The following TSC22D2 variants were observed in gnomAD, a reference collection of about 807,000 sequenced individuals.
TSC22D2 encodes the protein TSC22 domain family protein 2.
Under a neutral mutation model 50.1 loss-of-function variants are expected in TSC22D2, and 5 were observed. The observed-to-expected ratio is 0.10, with a 90% confidence interval of 0.05 to 0.21. The LOEUF is 0.21. TSC22D2 is among the 10% of genes least tolerant of loss of function. The pLI, the probability that TSC22D2 is intolerant of heterozygous loss-of-function variation, is 1.00. For synonymous variants in TSC22D2, 501 were observed against 450.1 expected (o/e 1.11, Z -1.43); for missense variants, 1,003 against 1,015.5 (o/e 0.99, Z 0.17).
chr3:150,461,714 T>C lies in TSC22D2; in HGVS notation c.*3078T>C, dbSNP rs1018236233. 1 of 152,142 alleles carries C rather than the reference T, an allele frequency of 6.6e-6. No homozygotes were observed. The highest frequency in any genetic ancestry group is 2.4e-5 in the African/African-American group (1 of 41,418). 9.4% of individuals were successfully genotyped at this position (152,142 alleles called of 1,614,324 possible). ...TCTATTTATAATATCCTATGCTAAT[T>C]AGAAGTATTGAGATAACGTTTTATA... On this transcript the variant is annotated 3_prime_UTR_variant, in exon 3 of 3. Transcript: ENST00000688009.
chr3:150,427,506 A>G (rs145496574), intron 1 of TSC22D2, among the ~76,000 whole-genome samples: 2,623 of 152,232 alleles, frequency 0.017, 26 homozygotes, highest in South Asian at 0.061. Context: ...GAATCACTCA[A>G]GTAGCTTATT....
chr3:150,435,151 T>C (rs1560086601), intron 1 of TSC22D2, among the ~76,000 whole-genome samples: 1 of 152,034 alleles, frequency 6.6e-6, no homozygotes, highest in African/African-American at 2.4e-5. Flanking sequence ...CTAATTTTTG[T>C]ATTTTTTAGT....
rs1719460882 is a variant in TSC22D2, at chr3:150,410,088, G to T, written c.738G>T (p.Leu246Phe). ...HGPESGTDSS[L>F]TAVSQLPPSE... is the part of the protein sequence containing the mutation. Reference sequence around the variant, plus strand: ...CCGAGTCGGGAACTGACAGCTCCTTGACTGCTGTGTCACAGCTACCCCCGT... The same window carrying T: ...CCGAGTCGGGAACTGACAGCTCCTTTACTGCTGTGTCACAGCTACCCCCGT... Residue 246 changes from leucine to phenylalanine, a missense_variant, in exon 1 of 3, where the codon TTG becomes TTT. Physicochemically the swap from Leu to Phe is conservative, Grantham distance 22. Coordinates refer to ENST00000688009, the MANE Select transcript of TSC22D2 (RefSeq NM_001303264.2). 2.5e-6 allele frequency: 4 copies of T among 1,612,920 alleles called. No homozygotes were observed. The East Asian group carries it at 8.9e-5, about 36-fold the overall frequency.
Position 150,446,158 on chromosome 3 carries a change from T to TTA in TSC22D2, c.1959-10916_1959-10915dup, listed in dbSNP as rs1208692930. On this transcript the variant is annotated intron_variant, in intron 1 of 2. Coordinates refer to ENST00000688009, the MANE Select transcript of TSC22D2 (RefSeq NM_001303264.2). ...AAGTCTATGCTTTTAAGCCATTTTA[T>TTA]TATTCTGTGTGAATTCAACTTTTTG... Among the ~76,000 whole-genome samples the TTA allele has an allele frequency of 4.0e-4, 61 of 152,134 alleles. 3 individuals are homozygous for TTA. Among genetic ancestry groups the TTA allele is most frequent in the Non-Finnish European group, 4.4e-5 (3 of 68,024 alleles).
At chr3:150,438,539 T>A (rs1196108366) in intron 1 of TSC22D2, among the ~76,000 whole-genome samples, 1 of 152,194 alleles carries the variant, frequency 6.6e-6, no homozygotes, top group Non-Finnish European at 1.5e-5. Context: ...GCCGTATCTT[T>A]GCAGTGGTGT....
rs1296141580 is a variant in TSC22D2 at position 150,411,027 on chromosome 3, G to T, written c.1677G>T (p.Leu559=). Residue 559 remains leucine (L), a synonymous_variant, in exon 1 of 3, where the codon CTG becomes CTT. Transcript: ENST00000688009. ...GCAGCATAATCCAGCATGTTGGGCT[G>T]CCCTTAGCGCCAGGCACACACAGCG... ...RSSSIIQHVG[L]PLAPGTHSAP... 1 of 1,614,110 alleles carries T rather than the reference G, an allele frequency of 6.2e-7. No homozygotes were observed. Among genetic ancestry groups the T allele is most frequent in the Non-Finnish European group, 8.5e-7 (1 of 1,180,054 alleles).
intron 1 of TSC22D2, among the ~76,000 whole-genome samples, chr3:150,435,188 A>G (rs2108083226): frequency 6.6e-6 from 1 of 152,200 alleles, no homozygotes; most frequent in East Asian, 1.9e-4. Flanking sequence ...CATGTTGGTC[A>G]GGCTGTTCTT....
chr3:150,413,599 A>C (rs1297370387), intron 1 of TSC22D2, among the ~76,000 whole-genome samples: 1 of 150,758 alleles, frequency 6.6e-6, no homozygotes, highest in Non-Finnish European at 1.5e-5. Context: ...TTAAAAAAAA[A>C]AAAAAGAACA....
intron 1 of TSC22D2, among the ~76,000 whole-genome samples, chr3:150,423,686 C>T (rs943012214): frequency 6.6e-6 from 1 of 152,146 alleles, no homozygotes; most frequent in African/African-American, 2.4e-5. Flanking sequence ...ATAGATTTTA[C>T]TGTTAACTTT....
chr3:150,451,989 T>C (rs1721054442), intron 1 of TSC22D2, among the ~76,000 whole-genome samples: 1 of 152,172 alleles, frequency 6.6e-6, no homozygotes, highest in South Asian at 2.1e-4. Flanking sequence ...CCTGAGTAAC[T>C]AGGACCGTGG....
At chr3:150,418,940 T>A (rs1207038298) in intron 1 of TSC22D2, among the ~76,000 whole-genome samples, 2 of 152,068 alleles carry the variant, frequency 1.3e-5, no homozygotes, top group Non-Finnish European at 2.9e-5. Context: ...CCTAATGAAA[T>A]GTGCTAAATA....
intron 1 of TSC22D2, among the ~76,000 whole-genome samples, chr3:150,435,760 A>G (rs1418702804): frequency 6.6e-6 from 1 of 152,200 alleles, no homozygotes; most frequent in East Asian, 1.9e-4. Context: ...CTTGGAAATT[A>G]TAAATCATCT....
chr3:150,409,651 C>G lies in TSC22D2; in HGVS notation c.301C>G (p.Pro101Ala), dbSNP rs767524111. The G allele has an allele frequency of 8.1e-6, 13 of 1,605,858 alleles. No homozygotes were observed. The East Asian group carries it at 1.1e-4, about 14-fold the overall frequency. Residue 101 changes from proline to alanine, a missense_variant, in exon 1 of 3, where the codon CCC (proline) becomes GCC (alanine). This residue lies in a region of TSC22D2 where 200 missense variants were observed against 182.8 expected (regional missense o/e 1.09). Coordinates refer to ENST00000688009, the MANE Select transcript of TSC22D2 (RefSeq NM_001303264.2). This position sits in a 1 kb window ranked among gnomAD's most constrained non-coding sequence, Gnocchi z 7.4. The stretch of plus-strand genomic sequence containing the variant: ...GCAGCTGGCAGCGGCGGCTGCTGCT[C>G]CCGCCAACGGAGGAGGAGTCGTTTC... ...DGQLAAAAAA[P>A]ANGGGVVSAR...
chr3:150,442,380 C>A (rs1720746511), intron 1 of TSC22D2, among the ~76,000 whole-genome samples: 1 of 152,188 alleles, frequency 6.6e-6, no homozygotes. Flanking sequence ...ATTACAACCC[C>A]TTTGGAATGT....
chr3:150,454,492 C>T (rs1325363140), intron 1 of TSC22D2, among the ~76,000 whole-genome samples: 1 of 152,200 alleles, frequency 6.6e-6, no homozygotes, highest in Non-Finnish European at 1.5e-5. Flanking sequence ...CAGCAGTTCT[C>T]AAAGCATAGT....
chr3:150,423,380 A>T (rs892110585), intron 1 of TSC22D2: 1 of 235,840 alleles, frequency 4.2e-6, no homozygotes, highest in Admixed American at 5.5e-5. Context: ...AATTTTTCTT[A>T]TGAAATAGTC....
chr3:150,426,255 A>G lies in TSC22D2; in HGVS notation c.1958+14947A>G, dbSNP rs76789803. 3.4e-4 allele frequency among the ~76,000 whole-genome samples: 49 copies of G among 144,606 alleles called. No individual in the cohort carries two copies. The East Asian group carries it at 6.8e-3, about 20-fold the overall frequency. The allele number at this position is 144,606 out of a possible 152,430, so 94.9% of individuals were successfully genotyped here. A position where few individuals can be genotyped will look rare whatever the true frequency, so the allele number is the denominator to read the frequency against. ...TAGCTTTCTGGGAGATTATCTTACT[A>G]TGGAGGAGTTAATTTTTCCTGAGAT... is the stretch of plus-strand genomic sequence containing the variant. On this transcript the variant is annotated intron_variant, in intron 1 of 2. Transcript: ENST00000688009.
At chr3:150,444,647 C>T (rs1232250845) in intron 1 of TSC22D2, among the ~76,000 whole-genome samples, 1 of 152,182 alleles carries the variant, frequency 6.6e-6, no homozygotes, top group Non-Finnish European at 1.5e-5. Context: ...TAAAAGATTT[C>T]ACACAAACTA....
At chr3:150,423,129 A>C (rs767398990) in intron 1 of TSC22D2, 3 of 1,603,688 alleles carry the variant, frequency 1.9e-6, no homozygotes, top group Non-Finnish European at 2.6e-6. Context: ...AGGTATGAAT[A>C]CTTACATATG....
Sources: allele counts gnomAD v4.1 joint callset (sites outside exome capture counted in the v4.1 genomes callset), GRCh38; gene constraint gnomAD v4.1.1; regional missense constraint gnomAD v4.1.1; non-coding constraint Gnocchi (gnomAD v3.1); transcripts MANE v1.5; gene names NCBI Gene and HGNC (gene_info 2026-07-23, HGNC 2026-07-21).